CNTNAP2: variants seen among roughly 807,000 people sequenced by gnomAD.
CNTNAP2 encodes contactin associated protein 2.
CNTNAP2 carries 98 observed loss-of-function variants against 155.2 expected under a neutral mutation model. The ratio of observed to expected loss-of-function variants is 0.63; its 90% CI spans 0.54 to 0.75. The LOEUF is 0.75. Among genes scored for constraint, CNTNAP2 ranks in the 30% least tolerant of loss-of-function variants. CNTNAP2 has a pLI of 0.00. For synonymous variants in CNTNAP2, 651 were observed against 631.2 expected (o/e 1.03, Z -0.47); for missense variants, 1,727 against 1,688.1 (o/e 1.02, Z -0.40).
chr7:148,405,271 C>T (rs1284043109), intron 22 of CNTNAP2, among the ~76,000 whole-genome samples: 2 of 152,136 alleles, frequency 1.3e-5, no homozygotes, highest in Non-Finnish European at 2.9e-5. Context: ...TTCAGATTTA[C>T]ACCCAAAACA....
At chr7:146,523,776 C>T (rs747468398) in intron 1 of CNTNAP2, among the ~76,000 whole-genome samples, 2 of 151,990 alleles carry the variant, frequency 1.3e-5, no homozygotes, top group African/African-American at 4.8e-5. Flanking sequence ...TGGCTAATTC[C>T]GATAATTTTC....
chr7:146,574,100 C>T (rs1330575199), intron 1 of CNTNAP2, among the ~76,000 whole-genome samples: 3 of 152,194 alleles, frequency 2.0e-5, no homozygotes, highest in South Asian at 2.1e-4. Context: ...TGACAGGATT[C>T]GAGTCTGGAG....
intron 1 of CNTNAP2, among the ~76,000 whole-genome samples, chr7:146,677,619 A>C (rs1800424421): frequency 6.6e-6 from 1 of 151,810 alleles, no homozygotes; most frequent in Non-Finnish European, 1.5e-5. Context: ...AGCAGTTCAC[A>C]GTGTCTGTTG....
intron 3 of CNTNAP2, among the ~76,000 whole-genome samples, chr7:146,889,777 A>C (rs1273870206): frequency 1.3e-5 from 2 of 152,170 alleles, no homozygotes; most frequent in African/African-American, 2.4e-5. Flanking sequence ...ATATTATCAT[A>C]TAAATTACCA....
At chr7:147,295,719 T>C (rs1248816059) in intron 8 of CNTNAP2, among the ~76,000 whole-genome samples, 2 of 152,204 alleles carry the variant, frequency 1.3e-5, no homozygotes, top group Non-Finnish European at 2.9e-5. Context: ...AAATTGGGTC[T>C]TCCTTGCCAC....
intron 1 of CNTNAP2, among the ~76,000 whole-genome samples, chr7:146,154,628 T>A (rs1798097842): frequency 6.6e-6 from 1 of 152,154 alleles, no homozygotes; most frequent in African/African-American, 2.4e-5. Flanking sequence ...CCCAAGAGTC[T>A]CACAAAGCAT....
chr7:146,152,814 A>G (rs1798071168), intron 1 of CNTNAP2, among the ~76,000 whole-genome samples: 1 of 152,158 alleles, frequency 6.6e-6, no homozygotes, highest in Non-Finnish European at 1.5e-5. Context: ...GCATGGATCA[A>G]TCTGTTCCTG....
At chr7:148,015,337 C>T (rs1442719982) in intron 15 of CNTNAP2, among the ~76,000 whole-genome samples, 2 of 152,136 alleles carry the variant, frequency 1.3e-5, no homozygotes, top group East Asian at 1.9e-4. Flanking sequence ...CCAGTTCTTC[C>T]TAAGGTTCCT....
chr7:146,727,635 G>A (rs934817781), intron 1 of CNTNAP2, among the ~76,000 whole-genome samples: 13 of 152,144 alleles, frequency 8.5e-5, no homozygotes, highest in African/African-American at 3.1e-4. Context: ...CTGACTAAAT[G>A]CAGATCATTA....
In CNTNAP2 at chr7:148,406,581, G is replaced by A. The variant is rs576281099; in HGVS notation, c.3716-2810G>A. On this transcript the variant is annotated intron_variant, in intron 22 of 23. Transcript: ENST00000361727. ...TAGAGAAGATTGTTGACTTTGGAAC[G>A]AACCCTACACCTGGGTTCTAATTTT... 4.9e-4 allele frequency among the ~76,000 whole-genome samples: 75 copies of A among 152,292 alleles called. 1 individual carries two copies. Among genetic ancestry groups the A allele is most frequent in the South Asian group, 2.3e-3 (11 of 4,816 alleles).
At chr7:146,298,838 GA>G (rs1800556952) in intron 1 of CNTNAP2, among the ~76,000 whole-genome samples, 1 of 152,158 alleles carries the variant, frequency 6.6e-6, no homozygotes, top group Admixed American at 6.5e-5. Context: ...TTAATTTGAG[GA>G]ATGGAAGAGC....
intron 13 of CNTNAP2, among the ~76,000 whole-genome samples, chr7:147,699,863 C>A (rs1439528805): frequency 1.3e-5 from 2 of 152,092 alleles, no homozygotes; most frequent in Admixed American, 1.3e-4. Context: ...CAGTTCCCAG[C>A]AACTGTCAGT....
chr7:147,156,729 C>T (rs966857962), intron 8 of CNTNAP2, among the ~76,000 whole-genome samples: 1 of 152,090 alleles, frequency 6.6e-6, no homozygotes, highest in Non-Finnish European at 1.5e-5. Flanking sequence ...GACAGATGAC[C>T]TTTACAGTTC....
chr7:146,809,744 T>C (rs775664463), intron 2 of CNTNAP2, among the ~76,000 whole-genome samples: 1 of 152,210 alleles, frequency 6.6e-6, no homozygotes, highest in Non-Finnish European at 1.5e-5. Context: ...TCCTTATATA[T>C]TCTAGACATT....
At chr7:147,906,496 TA>T (rs1799960669) in intron 14 of CNTNAP2, among the ~76,000 whole-genome samples, 2 of 149,680 alleles carry the variant, frequency 1.3e-5, no homozygotes, top group African/African-American at 2.5e-5. Flanking sequence ...TTTTATTTTT[TA>T]TTTTTTTTTT....
chr7:146,174,439 T>C (rs947770410), intron 1 of CNTNAP2, among the ~76,000 whole-genome samples: 1 of 151,984 alleles, frequency 6.6e-6, no homozygotes, highest in Non-Finnish European at 1.5e-5. Flanking sequence ...CAGAGTGGTC[T>C]TGAACTCCTG....
rs184768519 is a variant in CNTNAP2 at position 147,168,235 on chromosome 7, A to G, written c.1348+35726A>G. Among the ~76,000 whole-genome samples, 112 of 151,134 alleles carry G rather than the reference A, an allele frequency of 7.4e-4. 1 individual carries two copies. In the East Asian group the frequency reaches 0.011, roughly 15 times the overall value. ...CATTACATATGCATGTCACTTGAAA[A>G]TTTGTGTATATAAAATATATGTATA... On this transcript the variant is annotated intron_variant, in intron 8 of 23. Transcript: ENST00000361727.
chr7:147,887,830 T>C (rs1799626375), intron 13 of CNTNAP2, among the ~76,000 whole-genome samples: 3 of 152,246 alleles, frequency 2.0e-5, no homozygotes, highest in Admixed American at 2.0e-4. Flanking sequence ...ATCTGAACTT[T>C]AGCTCAGAGT....
chr7:147,051,101 A>C (rs967272148), intron 4 of CNTNAP2, among the ~76,000 whole-genome samples: 1 of 151,542 alleles, frequency 6.6e-6, no homozygotes, highest in Non-Finnish European at 1.5e-5. Context: ...CCCACTTTTG[A>C]AATAAGGCCA....
Sources: gnomAD v4.1 joint callset for allele counts (sites outside exome capture counted in the v4.1 genomes callset) on GRCh38, gnomAD v4.1.1 for gene constraint, MANE v1.5 for transcripts, NCBI Gene and HGNC (gene_info 2026-07-23, HGNC 2026-07-21) for gene names.